The following CFAP299 variants were observed in gnomAD, a reference collection of about 807,000 sequenced individuals.
CFAP299 encodes cilia and flagella associated protein 299.
In CFAP299, 21 loss-of-function variants were observed where a neutral mutation model predicts 27.0. The ratio of observed to expected loss-of-function variants is 0.78; its 90% confidence interval spans 0.55 to 1.12. The LOEUF is 1.12. CFAP299 is among the 50% of genes most tolerant of loss of function. The probability of loss-of-function intolerance (pLI) is 0.00; values close to 1 mark genes in which losing one functional copy is unlikely to be tolerated. For synonymous variants in CFAP299, 104 were observed against 98.1 expected, an observed-to-expected ratio of 1.06 and a Z score of -0.36; for missense variants, 310 against 276.6, an observed-to-expected ratio of 1.12 and a Z score of -0.86.
At chr4:80,430,677 A>G in intron 2 of CFAP299, among the ~76,000 whole-genome samples, 1 of 152,028 alleles carries the variant, frequency 6.6e-6, no homozygotes. Flanking sequence ...CCTCTTGACT[A>G]TCTAGTACAT....
chr4:80,471,155 T>C (rs968479891), intron 2 of CFAP299, among the ~76,000 whole-genome samples: 7 of 152,100 alleles, frequency 4.6e-5, no homozygotes, highest in East Asian at 3.9e-4. Context: ...TCAGCTAAAT[T>C]ATGAACCCAG....
chr4:80,462,517 T>G (rs1330340626), intron 2 of CFAP299, among the ~76,000 whole-genome samples: 1 of 152,124 alleles, frequency 6.6e-6, no homozygotes, highest in Non-Finnish European at 1.5e-5. Context: ...ACTCCCCACC[T>G]CCACCCCAAT....
intron 2 of CFAP299, among the ~76,000 whole-genome samples, chr4:80,399,113 G>A (rs1278830089): frequency 6.6e-6 from 1 of 152,208 alleles, no homozygotes; most frequent in Non-Finnish European, 1.5e-5. Flanking sequence ...CTGGCCATCA[G>A]AGAAATGCAA....
intron 2 of CFAP299, among the ~76,000 whole-genome samples, chr4:80,520,061 T>C (rs995321669): frequency 5.3e-5 from 8 of 152,202 alleles, no homozygotes; most frequent in African/African-American, 1.9e-4. Flanking sequence ...AGGCTAATAC[T>C]AATTTGGAGT....
intron 5 of CFAP299, among the ~76,000 whole-genome samples, chr4:80,962,971 A>AT (rs961606614): frequency 2.0e-5 from 3 of 151,810 alleles, no homozygotes; most frequent in South Asian, 2.1e-4. Flanking sequence ...AACTATGCTA[A>AT]TTTTTTTTAA....
rs566878104 is a variant in CFAP299 at position 80,829,185 on chromosome 4, G to A, written c.334-40808G>A. On this transcript the variant is annotated intron_variant, in intron 3 of 5. Coordinates refer to ENST00000358105, the MANE Select transcript of CFAP299 (RefSeq NM_152770.3). Reference sequence around the variant, plus strand: ...TAATTGCAAATCATATATCTGATAAGGAATTAATATTCAGAATATATAGTG... The same window carrying A: ...TAATTGCAAATCATATATCTGATAAAGAATTAATATTCAGAATATATAGTG... Among the ~76,000 whole-genome samples, 6 of 151,844 alleles carry A rather than the reference G, an allele frequency of 4.0e-5. No homozygotes were observed. The East Asian group carries it at 9.7e-4, about 24-fold the overall frequency.
chr4:80,893,359 G>A, intron 4 of CFAP299, among the ~76,000 whole-genome samples: 1 of 151,672 alleles, frequency 6.6e-6, no homozygotes, highest in Non-Finnish European at 1.5e-5. Flanking sequence ...ATTTTTCACA[G>A]ATAGTAAACA....
intron 2 of CFAP299, among the ~76,000 whole-genome samples, chr4:80,502,676 T>C (rs573902736): frequency 1.4e-4 from 21 of 152,236 alleles, no homozygotes; most frequent in Admixed American, 1.2e-3. Flanking sequence ...GGATTCTTTT[T>C]TTGGCTATTT....
At chr4:80,676,271 T>C (rs1317764124) in intron 3 of CFAP299, among the ~76,000 whole-genome samples, 3 of 152,214 alleles carry the variant, frequency 2.0e-5, no homozygotes, top group Non-Finnish European at 4.4e-5. Context: ...AATTTTCATA[T>C]TTTGAACCAT....
intron 2 of CFAP299, among the ~76,000 whole-genome samples, chr4:80,367,032 T>C (rs894647689): frequency 6.6e-6 from 1 of 152,182 alleles, no homozygotes; most frequent in African/African-American, 2.4e-5. Flanking sequence ...AGATTCATGG[T>C]TTCCAAGGAC....
intron 2 of CFAP299, among the ~76,000 whole-genome samples, chr4:80,524,420 C>G (rs942656671): frequency 2.6e-5 from 4 of 151,740 alleles, no homozygotes; most frequent in Non-Finnish European, 4.4e-5. Flanking sequence ...GGATGTTTAG[C>G]AGAATCCTTG....
chr4:80,327,426 G>T, the CFAP299 span, among the ~76,000 whole-genome samples: 1 of 151,878 alleles, frequency 6.6e-6, no homozygotes, highest in Non-Finnish European at 1.5e-5. Context: ...AATGATTTTG[G>T]ATTTTATTCT....
rs373203027 is a variant in CFAP299, at chr4:80,934,456, A to G, written c.477-10354A>G. ...ATTTTGAAATATTCCCTCCTATTCA[A>G]TCTTTTCAGAGTTTAAAAGGATTGG... On this transcript the variant is annotated intron_variant, in intron 4 of 5. Coordinates refer to ENST00000358105, the MANE Select transcript of CFAP299 (RefSeq NM_152770.3). Among the ~76,000 whole-genome samples the G allele has an allele frequency of 4.1e-3, 617 of 152,058 alleles. 1 individual carries two copies. Among genetic ancestry groups the G allele is most frequent in the Middle Eastern group, 0.014 (4 of 294 alleles).
intron 2 of CFAP299, among the ~76,000 whole-genome samples, chr4:80,438,085 CAAGAT>C (rs1728178903): frequency 6.6e-6 from 1 of 152,042 alleles, no homozygotes; most frequent in Admixed American, 6.6e-5. Flanking sequence ...AGATGATAAA[CAAGAT>C]AAATAAGTAC....
At chr4:80,376,056 C>G (rs563479958) in intron 2 of CFAP299, among the ~76,000 whole-genome samples, 32 of 152,242 alleles carry the variant, frequency 2.1e-4, no homozygotes, top group African/African-American at 7.0e-4. Flanking sequence ...TTTTCATTAC[C>G]GCAAAAAGTT....
At chr4:80,705,023 A>G (rs1222539212) in intron 3 of CFAP299, among the ~76,000 whole-genome samples, 1 of 151,814 alleles carries the variant, frequency 6.6e-6, no homozygotes, top group Non-Finnish European at 1.5e-5. Flanking sequence ...GAAACTGCTG[A>G]TAACAATAAA....
At chr4:80,909,233 A>G (rs892074795) in intron 4 of CFAP299, among the ~76,000 whole-genome samples, 39 of 151,968 alleles carry the variant, frequency 2.6e-4, no homozygotes, top group African/African-American at 8.7e-4. Context: ...TTCAATGGTC[A>G]CCAAACTTCA....
At chr4:80,728,260 T>C (rs2110052486) in intron 3 of CFAP299, among the ~76,000 whole-genome samples, 1 of 152,252 alleles carries the variant, frequency 6.6e-6, no homozygotes, top group African/African-American at 2.4e-5. Context: ...ATTTTCGAGC[T>C]GTTTTCTTAA....
At chr4:80,487,609 A>G (rs979949174) in intron 2 of CFAP299, among the ~76,000 whole-genome samples, 1 of 152,214 alleles carries the variant, frequency 6.6e-6, no homozygotes, top group Non-Finnish European at 1.5e-5. Flanking sequence ...AGCAAGGATT[A>G]TTCAAGAGGT....
Sources: gnomAD v4.1 joint callset for allele counts (sites outside exome capture counted in the v4.1 genomes callset) on GRCh38, gnomAD v4.1.1 for gene constraint, MANE v1.5 for transcripts, NCBI Gene and HGNC (gene_info 2026-07-23, HGNC 2026-07-21) for gene names.